Variants in FAM24B observed in about 807,000 individuals in gnomAD.
FAM24B encodes family with sequence similarity 24 member B.
Under a neutral mutation model 2.3 loss-of-function variants are expected in FAM24B, and 3 were observed. The observed-to-expected ratio is 1.29, with a 90% CI of 0.59 to 3.32. The LOEUF is 3.32. FAM24B is among the 30% of genes most tolerant of loss of function. FAM24B has a pLI of 0.03. For missense variants in FAM24B, 98 were observed against 117.2 expected, an observed-to-expected ratio of 0.84 and a Z score of 0.76; for synonymous variants, 36 against 46.3, an observed-to-expected ratio of 0.78 and a Z score of 0.90.
In FAM24B at chr10:122,850,555, G is replaced by GC. The variant is rs772315108; in HGVS notation, c.-35-6dup. On this transcript the variant is annotated splice_polypyrimidine_tract_variant and splice_region_variant and intron_variant, in intron 2 of 3. Coordinates refer to ENST00000368898, the MANE Select transcript of FAM24B (RefSeq NM_152644.3). Reference sequence around the variant, plus strand: ...GGTCAAAAGACTTCGATGTACCTAGGCAGATAAGTGCAAGCAAGCACTGAG... The same window carrying GC: ...GGTCAAAAGACTTCGATGTACCTAGGCCAGATAAGTGCAAGCAAGCACTGAG... The GC allele has an allele frequency of 3.5e-6, 5 of 1,441,700 alleles. No individual in the cohort carries two copies. In the South Asian group the frequency reaches 5.7e-5, roughly 16 times the overall value. The allele number at this position is 1,441,700 out of a possible 1,614,324, so 89.3% of individuals were successfully genotyped here. A position where few individuals can be genotyped will look rare whatever the true frequency, so the allele number is the denominator to read the frequency against.
chr10:122,852,379 A>G (rs1429198047), intron 2 of FAM24B, among the ~76,000 whole-genome samples: 4 of 152,190 alleles, frequency 2.6e-5, no homozygotes, highest in Non-Finnish European at 5.9e-5. Flanking sequence ...CGGAATATTT[A>G]AAAACTCCTG....
intron 1 of FAM24B, among the ~76,000 whole-genome samples, chr10:122,865,349 C>T (rs1373015555): frequency 1.3e-5 from 2 of 152,106 alleles, no homozygotes; most frequent in Non-Finnish European, 1.5e-5. Context: ...CTCAAATCCT[C>T]TTTTCTGCAT....
At chr10:122,867,792 C>T (rs893515252) in intron 1 of FAM24B, among the ~76,000 whole-genome samples, 13 of 152,074 alleles carry the variant, frequency 8.5e-5, no homozygotes, top group African/African-American at 2.7e-4. Flanking sequence ...CCCATCTGTA[C>T]GTCACCAACA....
chr10:122,849,326 T>C lies in FAM24B; in HGVS notation c.206A>G (p.Gln69Arg), dbSNP rs1243729169. The C allele has an allele frequency of 1.2e-6, 2 of 1,613,492 alleles. No homozygotes were observed. Among genetic ancestry groups the C allele is most frequent in the East Asian group, 4.5e-5 (2 of 44,852 alleles). ...TIATESCPAL[Q>R]CCEGYRMCAS... ...ACACATTCTATATCCTTCACAGCACTGCAGGGCAGGACAAGACTCCGTGGC... is the reference window on the plus strand; with the variant it reads ...ACACATTCTATATCCTTCACAGCACCGCAGGGCAGGACAAGACTCCGTGGC... Residue 69 changes from glutamine (Q) to arginine (R), a missense_variant, in exon 4 of 4, where the codon CAG becomes CGG. By Grantham distance (43) the Gln-to-Arg change is conservative. Coordinates refer to ENST00000368898, the MANE Select transcript of FAM24B (RefSeq NM_152644.3).
intron 1 of FAM24B, among the ~76,000 whole-genome samples, chr10:122,872,887 G>A (rs973600789): frequency 6.6e-6 from 1 of 152,076 alleles, no homozygotes; most frequent in South Asian, 2.1e-4. Flanking sequence ...GTATACGTAT[G>A]TAACAAACCT....
Position 122,865,662 on chromosome 10 carries a change from A to G in FAM24B, c.-177-9876T>C, listed in dbSNP as rs145001566. On this transcript the variant is annotated intron_variant, in intron 1 of 3. Transcript: ENST00000368898. ...AATTAGGAAGTGTTTCTGTGCTTCT[A>G]TTTTCTGGATAAAACTGCATAAAAT... Among the ~76,000 whole-genome samples the G allele has an allele frequency of 6.0e-3, 910 of 152,114 alleles. 17 individuals are homozygous for G. The highest frequency in any genetic ancestry group is 0.044 in the East Asian group (225 of 5,164).
intron 1 of FAM24B, among the ~76,000 whole-genome samples, chr10:122,870,495 T>G (rs1163092153): frequency 6.6e-6 from 1 of 152,140 alleles, no homozygotes; most frequent in Non-Finnish European, 1.5e-5. Context: ...AAAGAGAATT[T>G]TAGACCAATA....
chr10:122,849,988 T>C lies in FAM24B; in HGVS notation c.92+436A>G, dbSNP rs2280709. On this transcript the variant is annotated intron_variant, in intron 3 of 3. Transcript: ENST00000368898. Reference sequence around the variant, plus strand: ...GGAGGAATATCCTGAGAGCTCCCAATTCAGGCAAGAAGAGATCAATCCAGC... The same window carrying C: ...GGAGGAATATCCTGAGAGCTCCCAACTCAGGCAAGAAGAGATCAATCCAGC... 6.8e-3 allele frequency among the ~76,000 whole-genome samples: 1,040 copies of C among 152,206 alleles called. 11 individuals are homozygous for C. Among genetic ancestry groups the C allele is most frequent in the African/African-American group, 0.017 (722 of 41,518 alleles).
At chr10:122,876,363 T>C (rs1847977254) in intron 1 of FAM24B, among the ~76,000 whole-genome samples, 1 of 152,220 alleles carries the variant, frequency 6.6e-6, no homozygotes, top group African/African-American at 2.4e-5. Context: ...TAAAGTACTT[T>C]CCCTTGAGAG....
chr10:122,868,658 C>G (rs1297478598), intron 1 of FAM24B, among the ~76,000 whole-genome samples: 1 of 152,070 alleles, frequency 6.6e-6, no homozygotes, highest in Non-Finnish European at 1.5e-5. Context: ...AATTTTCAAC[C>G]CAGAATTTCA....
intron 2 of FAM24B, 40 bp from the exon 3 acceptor site, chr10:122,850,590 T>A: frequency 9.8e-7 from 1 of 1,016,650 alleles, no homozygotes; most frequent in Non-Finnish European, 1.6e-6. Flanking sequence ...GCCCACGTGG[T>A]CTCCCTCCCC....
chr10:122,852,455 G>C (rs1238933492), intron 2 of FAM24B, among the ~76,000 whole-genome samples: 1 of 152,124 alleles, frequency 6.6e-6, no homozygotes, highest in Non-Finnish European at 1.5e-5. Context: ...CATATCTCCA[G>C]GAACTCACCA....
chr10:122,859,244 G>A (rs1402365176), intron 1 of FAM24B, among the ~76,000 whole-genome samples: 1 of 152,184 alleles, frequency 6.6e-6, no homozygotes, highest in African/African-American at 2.4e-5. Flanking sequence ...AAAACACGTT[G>A]GATGACTGCG....
chr10:122,868,880 G>A (rs150600113), intron 1 of FAM24B, among the ~76,000 whole-genome samples: 182 of 152,186 alleles, frequency 1.2e-3, no homozygotes, highest in East Asian at 2.1e-3. Context: ...ATCAACTATC[G>A]AGCAAAATAA....
chr10:122,855,612 A>C (rs1847625541), intron 2 of FAM24B, 33 bp downstream of exon 2: 1 of 152,222 alleles, frequency 6.6e-6, no homozygotes, highest in Non-Finnish European at 1.5e-5. Context: ...TACTCACATG[A>C]TTCAAGAGAA....
chr10:122,878,134 A>G (rs546641924), intron 1 of FAM24B, among the ~76,000 whole-genome samples: 1 of 152,306 alleles, frequency 6.6e-6, no homozygotes, highest in African/African-American at 2.4e-5. Flanking sequence ...GATTTTTCCT[A>G]TCCAAAAGAA....
At chr10:122,865,676 A>G (rs1847793058) in intron 1 of FAM24B, among the ~76,000 whole-genome samples, 1 of 152,122 alleles carries the variant, frequency 6.6e-6, no homozygotes, top group Non-Finnish European at 1.5e-5. Context: ...TCTGGATAAA[A>G]CTGCATAAAA....
intron 1 of FAM24B, among the ~76,000 whole-genome samples, chr10:122,871,082 G>C (rs1847890329): frequency 6.6e-6 from 1 of 152,148 alleles, no homozygotes; most frequent in Non-Finnish European, 1.5e-5. Context: ...GGCAACTTCA[G>C]CAAAGTCTCA....
chr10:122,876,862 A>G (rs1847983264), intron 1 of FAM24B, among the ~76,000 whole-genome samples: 1 of 152,228 alleles, frequency 6.6e-6, no homozygotes, highest in Admixed American at 6.5e-5. Context: ...AGAAAAGAGC[A>G]CACAAAAACA....
Sources: allele counts gnomAD v4.1 joint callset (sites outside exome capture counted in the v4.1 genomes callset), GRCh38; gene constraint gnomAD v4.1.1; transcripts MANE v1.5; gene names NCBI Gene and HGNC (gene_info 2026-07-23, HGNC 2026-07-21).